The following CCDC6 variants were observed in gnomAD, a reference collection of about 807,000 sequenced individuals.
CCDC6 encodes the protein coiled-coil domain-containing protein 6.
A neutral mutation model predicts 56.6 loss-of-function variants in CCDC6; 20 were observed. That is an observed-to-expected ratio of 0.35 (90% CI 0.25 to 0.51). CCDC6 has a LOEUF of 0.51. Ranked by LOEUF, CCDC6 falls within the 20% of genes least tolerant of loss-of-function variation. CCDC6 has a pLI of 0.95. For missense variants in CCDC6, 367 were observed against 601.1 expected (o/e 0.61, Z 4.07); for synonymous variants, 241 against 234.4 (o/e 1.03, Z -0.26).
intron 1 of CCDC6, among the ~76,000 whole-genome samples, chr10:59,874,222 A>G (rs2071258735): frequency 6.6e-6 from 1 of 151,868 alleles, no homozygotes; most frequent in Non-Finnish European, 1.5e-5. Context: ...AGGACCTTAC[A>G]CTCTAACAGG....
intron 1 of CCDC6, among the ~76,000 whole-genome samples, chr10:59,858,780 T>C (rs2071100051): frequency 6.6e-6 from 1 of 152,176 alleles, no homozygotes; most frequent in East Asian, 1.9e-4. Context: ...CAATGAAAAA[T>C]TGCTAGAAAA....
chr10:59,852,543 G>A lies in CCDC6; in HGVS notation c.453+10C>T. 1.9e-6 allele frequency: 3 copies of A among 1,564,066 alleles called. No homozygotes were observed. Among genetic ancestry groups the A allele is most frequent in the Non-Finnish European group, 2.6e-6 (3 of 1,161,976 alleles). On this transcript the variant is annotated intron_variant, in intron 2 of 8. Transcript: ENST00000263102. ...GCAGGGAAGATGAGGGAGTAGAAAA[G>A]ATAATTTACCTGCATCAATTTTCTG...
At chr10:59,899,808 T>C (rs1239706804) in intron 1 of CCDC6, among the ~76,000 whole-genome samples, 1 of 152,168 alleles carries the variant, frequency 6.6e-6, no homozygotes, top group African/African-American at 2.4e-5. Context: ...TCAGATAAAA[T>C]GTTATCAGGA....
At chr10:59,876,881 A>G (rs935851413) in intron 1 of CCDC6, among the ~76,000 whole-genome samples, 39 of 152,158 alleles carry the variant, frequency 2.6e-4, no homozygotes, top group Non-Finnish European at 1.0e-4. Context: ...ATGCATTGTT[A>G]GGTGATTTCA....
intron 8 of CCDC6, 60 bp downstream of exon 8, chr10:59,794,413 A>G (rs2070495373): frequency 6.3e-7 from 1 of 1,577,146 alleles, no homozygotes; most frequent in Non-Finnish European, 8.7e-7. Flanking sequence ...TGTTCTCCAG[A>G]ACACCAGTCG....
chr10:59,807,675 G>C (rs568625317), intron 5 of CCDC6, among the ~76,000 whole-genome samples: 1 of 152,306 alleles, frequency 6.6e-6, no homozygotes, highest in Non-Finnish European at 1.5e-5. Flanking sequence ...GCTTTAAGTA[G>C]AAGAGGAAAT....
intron 1 of CCDC6, among the ~76,000 whole-genome samples, chr10:59,859,312 T>C (rs1010814387): frequency 1.3e-5 from 2 of 152,024 alleles, no homozygotes; most frequent in African/African-American, 4.8e-5. Context: ...AAATAAGTTA[T>C]AGCAGAAACA....
chr10:59,876,584 AG>A (rs1174945966), intron 1 of CCDC6, among the ~76,000 whole-genome samples: 305 of 121,706 alleles, frequency 2.5e-3, no homozygotes, highest in Non-Finnish European at 3.4e-3. Context: ...ACACCTGTTA[AG>A]GGGGAAAAAA....
intron 2 of CCDC6, among the ~76,000 whole-genome samples, chr10:59,847,443 A>G (rs1268535380): frequency 6.6e-6 from 1 of 152,158 alleles, no homozygotes; most frequent in Non-Finnish European, 1.5e-5. Context: ...TAGGCTAATC[A>G]TTAGAGCATT....
intron 3 of CCDC6, among the ~76,000 whole-genome samples, chr10:59,820,203 T>A (rs536454501): frequency 2.6e-5 from 4 of 152,174 alleles, no homozygotes; most frequent in African/African-American, 9.7e-5. Flanking sequence ...TTTCTTACTA[T>A]TGCATTTTTC....
At chr10:59,866,771 C>G (rs549244021) in intron 1 of CCDC6, among the ~76,000 whole-genome samples, 1 of 152,206 alleles carries the variant, frequency 6.6e-6, no homozygotes, top group Non-Finnish European at 1.5e-5. Flanking sequence ...AATCCAGTAA[C>G]AATACCTTCC....
At position 59,906,477 on chromosome 10, in the gene CCDC6, G is replaced by T. The variant is rs182093001; in HGVS notation, c.-53C>A. ...GGAGCAGCAGGGAGGCGGCGGCGAC[G>T]AAGGCCGGGCTGCGAATGAGTGGGC... On this transcript the variant is annotated 5_prime_UTR_variant, in exon 1 of 9. Coordinates refer to ENST00000263102, the MANE Select transcript of CCDC6 (RefSeq NM_005436.5). 2.8e-4 allele frequency: 398 copies of T among 1,411,692 alleles called. No homozygotes were observed. In the African/African-American group the frequency reaches 5.4e-3, roughly 19 times the overall value. 87.4% of individuals were successfully genotyped at this position (1,411,692 alleles called of 1,614,324 possible). A position where few individuals can be genotyped will look rare whatever the true frequency, so the allele number is the denominator to read the frequency against.
chr10:59,906,099 G>T, intron 1 of CCDC6, 23 bp downstream of exon 1: 1 of 1,551,672 alleles, frequency 6.4e-7, no homozygotes. Context: ...CGGCGCTGCG[G>T]CGCGTCCCCG....
chr10:59,881,895 T>TA (rs1267286920), intron 1 of CCDC6, among the ~76,000 whole-genome samples: 1 of 152,172 alleles, frequency 6.6e-6, no homozygotes, highest in African/African-American at 2.4e-5. Context: ...ACTGAATACT[T>TA]ACGAATACTT....
At chr10:59,824,029 C>G (rs2070767362) in intron 3 of CCDC6, among the ~76,000 whole-genome samples, 1 of 152,184 alleles carries the variant, frequency 6.6e-6, no homozygotes, top group African/African-American at 2.4e-5. Context: ...ACAGGAAATA[C>G]ATTGAGTTTT....
chr10:59,855,495 G>C (rs529252378), intron 1 of CCDC6, among the ~76,000 whole-genome samples: 3 of 152,168 alleles, frequency 2.0e-5, no homozygotes, highest in Non-Finnish European at 2.9e-5. Flanking sequence ...GAACCCAGGA[G>C]GCGGAGATTG....
At chr10:59,889,600 T>A (rs541672830) in intron 1 of CCDC6, among the ~76,000 whole-genome samples, 1 of 152,304 alleles carries the variant, frequency 6.6e-6, no homozygotes, top group African/African-American at 2.4e-5. Flanking sequence ...CTCACTGCCC[T>A]TCTCTCCTGC....
At position 59,876,068 on chromosome 10, in the gene CCDC6, G is replaced by GTTTTT. The variant is rs1564754305; in HGVS notation, c.304-23367_304-23366insAAAAA. Reference sequence around the variant, plus strand: ...ACACACATACACGAGTGCATGCACAGATGTCTTTTTTTTTTTTTTTTTTCA... The same window carrying GTTTTT: ...ACACACATACACGAGTGCATGCACAGTTTTTATGTCTTTTTTTTTTTTTTTTTTCA... On this transcript the variant is annotated intron_variant, in intron 1 of 8. Coordinates refer to ENST00000263102, the MANE Select transcript of CCDC6 (RefSeq NM_005436.5). Among the ~76,000 whole-genome samples, 6 of 8,518 alleles carry GTTTTT rather than the reference G, an allele frequency of 7.0e-4. 2 individuals carry two copies. Among genetic ancestry groups the GTTTTT allele is most frequent in the African/African-American group, 1.6e-3 (3 of 1,836 alleles). 5.6% of individuals were successfully genotyped at this position (8,518 alleles called of 152,430 possible).
intron 3 of CCDC6, among the ~76,000 whole-genome samples, chr10:59,822,444 G>T (rs540133413): frequency 2.6e-5 from 4 of 152,254 alleles, no homozygotes; most frequent in Admixed American, 1.3e-4. Context: ...TCTTTTAACC[G>T]ATAATTGCCG....
Sources: allele counts gnomAD v4.1 joint callset (sites outside exome capture counted in the v4.1 genomes callset), GRCh38; gene constraint gnomAD v4.1.1; transcripts MANE v1.5; gene names NCBI Gene and HGNC (gene_info 2026-07-23, HGNC 2026-07-21).